The following MAP9 variants were observed in gnomAD, a reference collection of about 807,000 sequenced individuals.
The protein encoded by MAP9 is microtubule-associated protein 9.
A neutral mutation model predicts 75.2 loss-of-function variants in MAP9; 80 were observed. The observed-to-expected ratio is 1.06, with a 90% CI of 0.89 to 1.28. The LOEUF (loss-of-function observed/expected upper bound fraction) is 1.28. MAP9 is among the 50% of genes most tolerant of loss of function. The pLI is 0.00. For synonymous variants in MAP9, 235 were observed against 237.3 expected (o/e 0.99, Z 0.09); for missense variants, 753 against 719.9 (o/e 1.05, Z -0.53).
intron 10 of MAP9, among the ~76,000 whole-genome samples, chr4:155,353,848 C>G (rs1227141161): frequency 2.6e-5 from 4 of 152,060 alleles, no homozygotes; most frequent in African/African-American, 9.7e-5. Context: ...AAATGTATTC[C>G]AAATGTTGAA....
chr4:155,365,830 T>C (rs1268712105), intron 5 of MAP9, among the ~76,000 whole-genome samples: 1 of 151,988 alleles, frequency 6.6e-6, no homozygotes, highest in African/African-American at 2.4e-5. Flanking sequence ...GTACCCCATG[T>C]ACAATTATTA....
intron 13 of MAP9, among the ~76,000 whole-genome samples, chr4:155,348,458 A>G (rs1273805409): frequency 2.0e-5 from 3 of 152,196 alleles, no homozygotes; most frequent in Non-Finnish European, 4.4e-5. Flanking sequence ...AAAGAATTGT[A>G]TAAAATAGAA....
chr4:155,372,100 G>A (rs745804125), intron 4 of MAP9, among the ~76,000 whole-genome samples: 1 of 152,094 alleles, frequency 6.6e-6, no homozygotes, highest in Non-Finnish European at 1.5e-5. Flanking sequence ...ATATACAGAG[G>A]CCTTTCCCCC....
rs774661156 is a variant in MAP9 at position 155,373,323 on chromosome 4, G to A, written c.294C>T (p.Asn98=). ...KLLFLKTNKS[N]GNITKDEPVC... ...CTGGCTCATCTTTGGTTATGTTACC[G>A]TTTGATTTATTGGTTTTCAAAAACA... The change falls in exon 4 of 14, where the codon AAC becomes AAT. Residue 98 remains asparagine (N), a synonymous_variant. Coordinates refer to ENST00000311277, the MANE Select transcript of MAP9 (RefSeq NM_001039580.2). The A allele has an allele frequency of 1.6e-5, 26 of 1,613,386 alleles. No homozygotes were observed. The highest frequency in any genetic ancestry group is 2.2e-5 in the Non-Finnish European group (26 of 1,179,830).
At chr4:155,368,893 C>T (rs1732458768) in intron 4 of MAP9, 81 bp from the exon 5 acceptor site, 1 of 1,116,176 alleles carries the variant, frequency 9.0e-7, no homozygotes, top group African/African-American at 1.5e-5. Context: ...ACCATACTTC[C>T]CTCCTGTGCC....
At chr4:155,359,210 TACACACAC>T (rs56261222) in intron 7 of MAP9, among the ~76,000 whole-genome samples, 274 of 145,574 alleles carry the variant, frequency 1.9e-3, no homozygotes, top group Admixed American at 5.8e-3. Context: ...AAAATGTGTA[TACACACAC>T]ACACACACAC....
intron 13 of MAP9, 129 bp downstream of exon 13, chr4:155,352,467 G>T: frequency 4.5e-6 from 4 of 891,158 alleles, no homozygotes; most frequent in Middle Eastern, 2.4e-4. Context: ...AGGAGAGCTT[G>T]AATTCAACAA....
Position 155,353,056 on chromosome 4 carries a change from G to T in MAP9, c.1544C>A (p.Ala515Asp). ...CTTTTTCTCTTTCCATTTTTCAAAA[G>T]CCTGAAAAAGTTCAGAATAATTTTC... The part of the protein sequence containing the change: ...NAARKGEALQ[A>D]FEKWKEKKME... Residue 515 changes from alanine (A) to aspartate (D), a missense_variant and splice_region_variant, in exon 12 of 14, where the codon GCT becomes GAT. By Grantham distance (126) the Ala-to-Asp change is moderately radical. Transcript: ENST00000311277. The T allele has an allele frequency of 1.3e-6, 2 of 1,534,494 alleles. No homozygotes were observed. The highest frequency in any genetic ancestry group is 8.8e-7 in the Non-Finnish European group (1 of 1,138,528).
chr4:155,355,736 T>C lies in MAP9; in HGVS notation c.1270A>G (p.Ile424Val), dbSNP rs139408083. 352 of 1,610,212 alleles carry C rather than the reference T, an allele frequency of 2.2e-4. 1 individual carries two copies. In the African/African-American group the frequency reaches 3.7e-3, roughly 17 times the overall value. The change falls in exon 9 of 14, where the codon ATA becomes GTA. Residue 424 changes from isoleucine to valine, a missense_variant. Transcript: ENST00000311277. ...QSIEPDRADN[I>V]RAAVYQEWLE... ...TTTACCTGATAAACAGCTGCCCTTA[T>C]GTTATCTGCTCTATCAGGTTCTATG...
At position 155,342,960 on chromosome 4, in the gene MAP9, T is replaced by C. The variant is rs554766382; in HGVS notation, c.*4823A>G. On this transcript the variant is annotated 3_prime_UTR_variant, in exon 14 of 14. Coordinates refer to ENST00000311277, the MANE Select transcript of MAP9 (RefSeq NM_001039580.2). ...TTGGCTACAAGAATAATGATCATAT[T>C]ATTTATCATATAATTTACCATTTGT... 5.9e-5 allele frequency: 9 copies of C among 152,180 alleles called. No individual in the cohort carries two copies. In the East Asian group the frequency reaches 9.6e-4, roughly 16 times the overall value. The allele number at this position is 152,180 out of a possible 1,614,324, so 9.4% of individuals were successfully genotyped here. A position where few individuals can be genotyped will look rare whatever the true frequency, so the allele number is the denominator to read the frequency against.
chr4:155,375,982 C>G (rs1732822933), intron 1 of MAP9, 68 bp from the exon 2 acceptor site: 2 of 603,188 alleles, frequency 3.3e-6, no homozygotes, highest in Admixed American at 6.2e-5. Flanking sequence ...TGATTCTACT[C>G]TCCCCACAAA....
chr4:155,347,417 A>G lies in MAP9; in HGVS notation c.*366T>C, dbSNP rs1731323833. The G allele has an allele frequency of 6.2e-6, 1 of 160,598 alleles. No individual in the cohort carries two copies. Among genetic ancestry groups the G allele is most frequent in the Non-Finnish European group, 1.4e-5 (1 of 73,872 alleles). The allele number at this position is 160,598 out of a possible 1,614,324, so 9.9% of individuals were successfully genotyped here. A position where few individuals can be genotyped will look rare whatever the true frequency, so the allele number is the denominator to read the frequency against. ...ATCATCCACAAAAGGAATAATTTCTATCATTATGGTACCTAGATGATTTCC... is the reference window on the plus strand; with the variant it reads ...ATCATCCACAAAAGGAATAATTTCTGTCATTATGGTACCTAGATGATTTCC... On this transcript the variant is annotated 3_prime_UTR_variant, in exon 14 of 14. Transcript: ENST00000311277.
chr4:155,372,049 G>A (rs887240453), intron 4 of MAP9, among the ~76,000 whole-genome samples: 8 of 152,124 alleles, frequency 5.3e-5, no homozygotes, highest in Non-Finnish European at 2.9e-5. Context: ...TCCTCATCAT[G>A]AGGATACTGA....
rs960683769 is a variant in MAP9 at position 155,357,428 on chromosome 4, A to C, written c.1121+21T>G. Reference sequence around the variant, plus strand: ...GCTAGAATGCAAGCCCATAAATGACAAATATTGGTAACTTTATTACCTGGC... The same window carrying C: ...GCTAGAATGCAAGCCCATAAATGACCAATATTGGTAACTTTATTACCTGGC... On this transcript the variant is annotated intron_variant, in intron 8 of 13. Coordinates refer to ENST00000311277, the MANE Select transcript of MAP9 (RefSeq NM_001039580.2). The C allele has an allele frequency of 3.4e-6, 5 of 1,464,496 alleles. No individual in the cohort carries two copies. The African/African-American group carries it at 7.0e-5, about 20-fold the overall frequency. 90.7% of individuals were successfully genotyped at this position (1,464,496 alleles called of 1,614,324 possible).
chr4:155,352,442 T>C, intron 13 of MAP9, 154 bp downstream of exon 13: 1 of 677,614 alleles, frequency 1.5e-6, no homozygotes, highest in Non-Finnish European at 2.4e-6. Context: ...TCAAAGAAAA[T>C]ATGCTATATG....
At position 155,373,398 on chromosome 4, in the gene MAP9, CA is replaced by C. The variant is rs776194477; in HGVS notation, c.218del (p.Met73ArgfsTer20). The C allele has an allele frequency of 2.7e-5, 43 of 1,598,728 alleles. No homozygotes were observed. The highest frequency in any genetic ancestry group is 4.5e-5 in the East Asian group (2 of 44,488). On this transcript the variant is annotated frameshift_variant, in exon 4 of 14. Transcript: ENST00000311277. LOFTEE classifies it high-confidence loss of function. ...CATCATCTGATATATGAAAGTCATTCATTTTTTTATTAACTGAATTTTCATC... is the reference window on the plus strand; with the variant it reads ...CATCATCTGATATATGAAAGTCATTCTTTTTTTATTAACTGAATTTTCATC... ...SADENSVNKK[M>X]NDFHISDDEE...
chr4:155,353,928 A>G (rs1055139658), intron 10 of MAP9, among the ~76,000 whole-genome samples: 3 of 152,194 alleles, frequency 2.0e-5, no homozygotes, highest in Non-Finnish European at 2.9e-5. Context: ...ACTTCCTTCA[A>G]TCTAATCCCA....
At chr4:155,372,415 G>A (rs766376153) in intron 4 of MAP9, among the ~76,000 whole-genome samples, 24 of 152,074 alleles carry the variant, frequency 1.6e-4, no homozygotes, top group Non-Finnish European at 2.5e-4. Context: ...TTCATGAATG[G>A]TGGCCCAGGG....
chr4:155,362,235 T>C (rs997718608), intron 5 of MAP9, 94 bp from the exon 6 acceptor site: 3 of 765,610 alleles, frequency 3.9e-6, no homozygotes, highest in Non-Finnish European at 6.2e-6. Flanking sequence ...ATTGAAATAG[T>C]GCATAACTCT....
Sources: gnomAD v4.1 joint callset for allele counts (sites outside exome capture counted in the v4.1 genomes callset) on GRCh38, gnomAD v4.1.1 for gene constraint, MANE v1.5 for transcripts, NCBI Gene and HGNC (gene_info 2026-07-23, HGNC 2026-07-21) for gene names.